The following LRP1B variants were observed in gnomAD, a reference collection of about 807,000 sequenced individuals.
LRP1B encodes LDL receptor related protein 1B.
Under a neutral mutation model 556.6 loss-of-function variants are expected in LRP1B, and 217 were observed. The ratio of observed to expected loss-of-function variants is 0.39; its 90% CI spans 0.35 to 0.44. LRP1B has a LOEUF of 0.44. Among genes scored for constraint, LRP1B ranks in the 20% least tolerant of loss-of-function variants. LRP1B has a pLI of 1.00. For synonymous variants in LRP1B, 2,047 were observed against 1,865.8 expected (o/e 1.10, Z -2.50); for missense variants, 5,053 against 5,620.8 (o/e 0.90, Z 3.23).
intron 14 of LRP1B, among the ~76,000 whole-genome samples, chr2:141,010,588 C>T (rs765603915): frequency 3.4e-4 from 52 of 151,818 alleles, no homozygotes; most frequent in Non-Finnish European, 5.7e-4. Flanking sequence ...ATTCTCGGCT[C>T]ACTGCAACCT....
At chr2:141,937,525 A>T (rs1042419076) in intron 1 of LRP1B, among the ~76,000 whole-genome samples, 1 of 151,982 alleles carries the variant, frequency 6.6e-6, no homozygotes, top group African/African-American at 2.4e-5. Context: ...TCTTCCCAAG[A>T]TCGTCTATCA....
In LRP1B at chr2:142,018,478, G is replaced by A. The variant is rs141906590; in HGVS notation, c.82+112170C>T. Among the ~76,000 whole-genome samples, 1,009 of 151,962 alleles carry A rather than the reference G, an allele frequency of 6.6e-3. 4 individuals carry two copies. The highest frequency in any genetic ancestry group is 0.011 in the Non-Finnish European group (733 of 67,932). The stretch of plus-strand genomic sequence containing the variant: ...AATAGAAAAGAGTTTATTTTACTAG[G>A]ATTTTTTGGTGGTTCTTTTAATTTT... On this transcript the variant is annotated intron_variant, in intron 1 of 90. Transcript: ENST00000389484.
chr2:140,910,170 A>C (rs1694377005), intron 21 of LRP1B, among the ~76,000 whole-genome samples: 1 of 151,556 alleles, frequency 6.6e-6, no homozygotes, highest in South Asian at 2.1e-4. Context: ...AAGTAATTTA[A>C]TGTAATAGTA....
intron 43 of LRP1B, among the ~76,000 whole-genome samples, chr2:140,587,021 C>T (rs566453229): frequency 4.0e-5 from 6 of 151,580 alleles, no homozygotes; most frequent in East Asian, 1.9e-4. Context: ...AGAAAGAAAC[C>T]GGAACAAAAT....
chr2:140,658,038 A>G (rs778931010), intron 41 of LRP1B, among the ~76,000 whole-genome samples: 36 of 152,122 alleles, frequency 2.4e-4, no homozygotes, highest in Non-Finnish European at 2.5e-4. Flanking sequence ...TTTAGAAGTA[A>G]CATCACACAT....
At chr2:140,334,590 G>A (rs2105083718) in intron 78 of LRP1B, 31 bp from the exon 79 acceptor site, 2 of 1,276,948 alleles carry the variant, frequency 1.6e-6, no homozygotes, top group Non-Finnish European at 2.2e-6. Flanking sequence ...AGGTTAGCCT[G>A]GTGATGGTGC....
intron 3 of LRP1B, among the ~76,000 whole-genome samples, chr2:141,461,442 C>A (rs558062384): frequency 6.6e-5 from 10 of 152,078 alleles, no homozygotes; most frequent in African/African-American, 2.4e-4. Flanking sequence ...GAAATGGAGA[C>A]AATGAATGAA....
chr2:141,502,352 G>A (rs891236658), intron 2 of LRP1B, among the ~76,000 whole-genome samples: 2 of 152,136 alleles, frequency 1.3e-5, no homozygotes, highest in African/African-American at 4.8e-5. Context: ...ACTAAATGGT[G>A]AAATCCATTA....
chr2:140,427,252 A>G (rs1450187695), intron 66 of LRP1B, among the ~76,000 whole-genome samples: 1 of 152,032 alleles, frequency 6.6e-6, no homozygotes, highest in Non-Finnish European at 1.5e-5. Flanking sequence ...TCATTCACCC[A>G]CGTTCCCTTG....
intron 29 of LRP1B, among the ~76,000 whole-genome samples, chr2:140,845,139 A>AACAAACAG (rs1452353091): frequency 6.6e-6 from 1 of 152,180 alleles, no homozygotes; most frequent in African/African-American, 2.4e-5. Context: ...CAAACAAACA[A>AACAAACAG]ACAAACAAAA....
In LRP1B at chr2:140,487,670, G is replaced by A. The variant is rs1274684737; in HGVS notation, c.9190C>T (p.Arg3064Ter). Residue 3064 changes from arginine to a stop codon, truncating the protein, a stop_gained, in exon 58 of 91, where the codon CGA becomes TGA. Transcript: ENST00000389484. LOFTEE classifies it high-confidence loss of function. ...EEFIYWIDSS[R>*]PNGSRINRMC... ...CTATTTATGCGACTGCCATTGGGTC[G>A]GCTAGAATCGATCCAATAGATGAAT... 4 of 1,604,596 alleles carry A rather than the reference G, an allele frequency of 2.5e-6. No individual in the cohort carries two copies. Among genetic ancestry groups the A allele is most frequent in the East Asian group, 2.3e-5 (1 of 44,434 alleles).
At chr2:141,148,236 T>C (rs1050577403) in intron 7 of LRP1B, among the ~76,000 whole-genome samples, 4 of 152,230 alleles carry the variant, frequency 2.6e-5, no homozygotes, top group Admixed American at 6.5e-5. Context: ...GGATATAATC[T>C]GGTGTCCAAT....
Position 141,049,133 on chromosome 2 carries a change from A to G in LRP1B, c.1642T>C (p.Tyr548His), listed in dbSNP as rs777803540. The change falls in exon 11 of 91, where the codon TAC becomes CAC. Residue 548 changes from tyrosine to histidine, a missense_variant. Around this residue, in one of 5 missense-constraint regions of LRP1B, gnomAD observed 3,619 missense variants for 3,931.9 expected, o/e 0.92. Coordinates refer to ENST00000389484, the MANE Select transcript of LRP1B (RefSeq NM_018557.3). ...MDLNTKIADE[Y>H]MIPIENLVNP... is the part of the protein sequence containing the mutation. ...ACCAGATTTTCTATGGGGATCATGT[A>G]TTCATCAGCTATCTTGGTATTCAAG... The G allele has an allele frequency of 4.3e-6, 7 of 1,613,586 alleles. No homozygotes were observed. Among genetic ancestry groups the G allele is most frequent in the South Asian group, 1.1e-5 (1 of 91,066 alleles).
chr2:142,047,531 T>G (rs895640434), intron 1 of LRP1B, among the ~76,000 whole-genome samples: 6 of 151,990 alleles, frequency 3.9e-5, no homozygotes, highest in Non-Finnish European at 5.9e-5. Context: ...TATGTTTTTT[T>G]TTTAAAGATT....
intron 18 of LRP1B, among the ~76,000 whole-genome samples, chr2:140,963,847 C>CGGG (rs1696112237): frequency 6.6e-6 from 1 of 152,146 alleles, no homozygotes; most frequent in Admixed American, 6.5e-5. Context: ...ATTCCAGTTA[C>CGGG]CTGTGTAGGG....
intron 2 of LRP1B, among the ~76,000 whole-genome samples, chr2:141,535,551 A>T (rs1477093422): frequency 6.6e-6 from 1 of 151,348 alleles, no homozygotes; most frequent in Non-Finnish European, 1.5e-5. Flanking sequence ...AAAAAAAAAA[A>T]GAAGTAAATT....
At chr2:140,286,102 C>T (rs940703084) in intron 84 of LRP1B, among the ~76,000 whole-genome samples, 2 of 151,810 alleles carry the variant, frequency 1.3e-5, no homozygotes, top group Admixed American at 1.3e-4. Context: ...AATCCCAAGC[C>T]TCAGTGGCTG....
chr2:141,639,422 A>T (rs13030963), intron 2 of LRP1B, among the ~76,000 whole-genome samples: 10,343 of 128,628 alleles, frequency 0.08, 621 homozygotes, highest in South Asian at 0.14. Flanking sequence ...ATATATATAT[A>T]TTTTTTTTTG....
At chr2:141,696,919 C>G (rs1404000873) in intron 2 of LRP1B, among the ~76,000 whole-genome samples, 3 of 151,860 alleles carry the variant, frequency 2.0e-5, no homozygotes, top group Admixed American at 6.6e-5. Context: ...AAGAAACATA[C>G]AGAAAAATCT....
Sources: gnomAD v4.1 joint callset for allele counts (sites outside exome capture counted in the v4.1 genomes callset) on GRCh38, gnomAD v4.1.1 for gene constraint, gnomAD v4.1.1 regional missense constraint, MANE v1.5 for transcripts, NCBI Gene and HGNC (gene_info 2026-07-23, HGNC 2026-07-21) for gene names.